The following TRPC1 variants were observed in gnomAD, a reference collection of about 807,000 sequenced individuals.
The protein encoded by TRPC1 is short transient receptor potential channel 1.
A neutral mutation model predicts 88.2 loss-of-function variants in TRPC1; 42 were observed. That is an observed-to-expected ratio of 0.48 (90% CI 0.37 to 0.62). TRPC1 has a LOEUF of 0.62. TRPC1 is among the 20% of genes least tolerant of loss of function. The pLI is 0.00. For synonymous variants in TRPC1, 288 were observed against 331.8 expected, an observed-to-expected ratio of 0.87 and a Z score of 1.43; for missense variants, 699 against 957.3, an observed-to-expected ratio of 0.73 and a Z score of 3.56.
intron 2 of TRPC1, among the ~76,000 whole-genome samples, chr3:142,740,951 G>A (rs564507482): frequency 6.6e-6 from 1 of 152,182 alleles, no homozygotes; most frequent in East Asian, 1.9e-4. Context: ...AGATTGGAGA[G>A]CATCAAATAG....
At position 142,802,363 on chromosome 3, in the gene TRPC1, T is replaced by C. The variant is rs1936648061; in HGVS notation, c.1757+19T>C. Reference sequence around the variant, plus strand: ...TCCATTCGTGAGTATCTTTTAAATGTTTTAGTAAATATATTTGTCTTTTTT... The same window carrying C: ...TCCATTCGTGAGTATCTTTTAAATGCTTTAGTAAATATATTTGTCTTTTTT... On this transcript the variant is annotated intron_variant, in intron 10 of 12. Coordinates refer to ENST00000476941, the MANE Select transcript of TRPC1 (RefSeq NM_001251845.2). 1.0e-5 allele frequency: 14 copies of C among 1,365,260 alleles called. No individual in the cohort carries two copies. Among genetic ancestry groups the C allele is most frequent in the Non-Finnish European group, 1.3e-5 (14 of 1,052,856 alleles). The allele number at this position is 1,365,260 out of a possible 1,614,324, so 84.6% of individuals were successfully genotyped here.
chr3:142,728,899 T>C (rs913698087), intron 1 of TRPC1, among the ~76,000 whole-genome samples: 17 of 152,092 alleles, frequency 1.1e-4, no homozygotes, highest in African/African-American at 3.4e-4. Context: ...GTGTGAAGTG[T>C]TATGTTGACA....
chr3:142,736,145 T>C (rs1235888104), intron 1 of TRPC1, among the ~76,000 whole-genome samples: 5 of 152,134 alleles, frequency 3.3e-5, no homozygotes, highest in Non-Finnish European at 5.9e-5. Context: ...ATTTTTATTT[T>C]ATTCTGTACA....
rs1367153496 is a variant in TRPC1, at chr3:142,806,816, A to C, written c.*581A>C. The C allele has an allele frequency of 6.6e-6, 1 of 151,950 alleles. No homozygotes were observed. Among genetic ancestry groups the C allele is most frequent in the Non-Finnish European group, 1.5e-5 (1 of 67,948 alleles). The allele number at this position is 151,950 out of a possible 1,614,324, so 9.4% of individuals were successfully genotyped here. ...TATTTATGTCTTTCAATTTAAATTC[A>C]CTTCAGTTTTTGTTATTGTAATATA... is the stretch of plus-strand genomic sequence containing the variant. On this transcript the variant is annotated 3_prime_UTR_variant, in exon 13 of 13. Transcript: ENST00000476941.
intron 4 of TRPC1, among the ~76,000 whole-genome samples, chr3:142,753,960 C>G (rs901667104): frequency 6.6e-6 from 1 of 151,772 alleles, no homozygotes; most frequent in Non-Finnish European, 1.5e-5. Context: ...TGACTTGTAC[C>G]TGTGGTCCCA....
chr3:142,787,061 T>A (rs1002170255), intron 7 of TRPC1, among the ~76,000 whole-genome samples: 12 of 152,230 alleles, frequency 7.9e-5, no homozygotes, highest in Non-Finnish European at 1.6e-4. Flanking sequence ...ATATTACACG[T>A]ATATATACAT....
rs759620278 is a variant in TRPC1, at chr3:142,792,675, A to C, written c.1438-149A>C. 181 of 547,930 alleles carry C rather than the reference A, an allele frequency of 3.3e-4. No individual in the cohort carries two copies. The highest frequency in any genetic ancestry group is 1.1e-3 in the Middle Eastern group (2 of 1,872). The allele number at this position is 547,930 out of a possible 1,614,324, so 33.9% of individuals were successfully genotyped here. A position where few individuals can be genotyped will look rare whatever the true frequency, so the allele number is the denominator to read the frequency against. ...TTTATTTCATTAAAATATTATTTCT[A>C]TTTTTAAAAAACCCTATAAAACATA... On this transcript the variant is annotated intron_variant, in intron 8 of 12. Coordinates refer to ENST00000476941, the MANE Select transcript of TRPC1 (RefSeq NM_001251845.2). The surrounding 1 kb of genome is among the most constrained non-coding windows in gnomAD (Gnocchi z 4.0).
Position 142,804,463 on chromosome 3 carries a change from G to T in TRPC1, c.1987G>T (p.Ala663Ser). Residue 663 changes from alanine to serine, a missense_variant, in exon 12 of 13, where the codon GCT (alanine) becomes TCT (serine). This residue lies in a region of TRPC1 where 11 missense variants were observed against 47.2 expected (regional missense o/e 0.23). Transcript: ENST00000476941. ...ANHEDKEWKF[A>S]RAKLWLSYFD... ...TCATGAAGACAAAGAATGGAAGTTT[G>T]CTCGAGCAAAATTATGGCTTAGCTA... The T allele has an allele frequency of 6.2e-7, 1 of 1,610,980 alleles. No homozygotes were observed. Among genetic ancestry groups the T allele is most frequent in the Middle Eastern group, 1.7e-4 (1 of 6,044 alleles).
rs760567397 is a variant in TRPC1 at position 142,736,413 on chromosome 3, A to G, written c.207A>G (p.Glu69=). The change falls in exon 2 of 13, where the codon GAA becomes GAG. Residue 69 remains glutamate (E), a synonymous_variant. Transcript: ENST00000476941. The part of the protein sequence containing the change: ...DYYMVKKILE[E]NSSGDLNINC... ...ATATGGTTAAAAAGATTTTGGAGGAAAACAGTTCAGGTGACTTGAACATAA... is the reference window on the plus strand; with the variant it reads ...ATATGGTTAAAAAGATTTTGGAGGAGAACAGTTCAGGTGACTTGAACATAA... The G allele has an allele frequency of 3.7e-6, 6 of 1,609,960 alleles. No homozygotes were observed. The highest frequency in any genetic ancestry group is 2.2e-5 in the East Asian group (1 of 44,616).
At chr3:142,762,011 T>G (rs1474787670) in intron 4 of TRPC1, among the ~76,000 whole-genome samples, 1 of 152,132 alleles carries the variant, frequency 6.6e-6, no homozygotes, top group Admixed American at 6.6e-5. Flanking sequence ...AAAATCAGTT[T>G]TTCATTTCAT....
At chr3:142,754,303 C>A (rs1285440219) in intron 4 of TRPC1, among the ~76,000 whole-genome samples, 1 of 151,792 alleles carries the variant, frequency 6.6e-6, no homozygotes, top group East Asian at 1.9e-4. Context: ...AAGAAGGAGT[C>A]TTTATTTATT....
chr3:142,804,831 G>A (rs1373457802), intron 12 of TRPC1, among the ~76,000 whole-genome samples: 1 of 152,122 alleles, frequency 6.6e-6, no homozygotes, highest in African/African-American at 2.4e-5. Flanking sequence ...AGAGGGCTGG[G>A]TGCGGTGGCT....
rs1936801048 is a variant in TRPC1 at position 142,806,564 on chromosome 3, A to G, written c.*329A>G. On this transcript the variant is annotated 3_prime_UTR_variant, in exon 13 of 13. Transcript: ENST00000476941. ...AGTTATAAATGGACACATTGCCCAG[A>G]ATGTTTTGTAAAATGAAGACCAGCA... The G allele has an allele frequency of 5.8e-6, 1 of 173,470 alleles. No homozygotes were observed. The highest frequency in any genetic ancestry group is 1.2e-5 in the Non-Finnish European group (1 of 80,644). 10.7% of individuals were successfully genotyped at this position (173,470 alleles called of 1,614,324 possible).
At chr3:142,780,545 A>C (rs1184428413) in intron 5 of TRPC1, among the ~76,000 whole-genome samples, 1 of 152,216 alleles carries the variant, frequency 6.6e-6, no homozygotes. Context: ...ACTGGTTGAC[A>C]AATATTATTA....
chr3:142,766,040 A>T (rs1935374565), intron 4 of TRPC1, among the ~76,000 whole-genome samples: 1 of 152,156 alleles, frequency 6.6e-6, no homozygotes, highest in South Asian at 2.1e-4. Context: ...AAGAAGTAAA[A>T]AAAAAAACAG....
intron 2 of TRPC1, among the ~76,000 whole-genome samples, chr3:142,741,437 G>A (rs1314743804): frequency 6.6e-6 from 1 of 152,074 alleles, no homozygotes; most frequent in Non-Finnish European, 1.5e-5. Flanking sequence ...TGGAATAATT[G>A]AGAATGTAAT....
intron 1 of TRPC1, among the ~76,000 whole-genome samples, chr3:142,725,665 T>G (rs1353923404): frequency 6.6e-6 from 1 of 152,178 alleles, no homozygotes; most frequent in African/African-American, 2.4e-5. Context: ...TTTTCCAAAT[T>G]TATATGGCTG....
rs538931991 is a variant in TRPC1, at chr3:142,758,709, G to A, written c.632+10249G>A. ...TTTTTCAATTATACTTTAAGTTCTAGGGTACATGTGCATGTCGTGCAGGTT... is the reference window on the plus strand; with the variant it reads ...TTTTTCAATTATACTTTAAGTTCTAAGGTACATGTGCATGTCGTGCAGGTT... On this transcript the variant is annotated intron_variant, in intron 4 of 12. Coordinates refer to ENST00000476941, the MANE Select transcript of TRPC1 (RefSeq NM_001251845.2). Among the ~76,000 whole-genome samples, 3 of 151,560 alleles carry A rather than the reference G, an allele frequency of 2.0e-5. No homozygotes were observed. The South Asian group carries it at 6.3e-4, about 32-fold the overall frequency.
chr3:142,759,450 G>A (rs1323809553), intron 4 of TRPC1, among the ~76,000 whole-genome samples: 2 of 152,170 alleles, frequency 1.3e-5, no homozygotes, highest in African/African-American at 4.8e-5. Context: ...TTTTTCATGT[G>A]TCTGTTGGGT....
Sources: allele counts gnomAD v4.1 joint callset (sites outside exome capture counted in the v4.1 genomes callset), GRCh38; gene constraint gnomAD v4.1.1; regional missense constraint gnomAD v4.1.1; non-coding constraint Gnocchi (gnomAD v3.1); transcripts MANE v1.5; gene names NCBI Gene and HGNC (gene_info 2026-07-23, HGNC 2026-07-21).